The following VEPH1 variants were observed in gnomAD, a reference collection of about 807,000 sequenced individuals.
The protein encoded by VEPH1 is ventricular zone expressed PH domain containing 1, also known as ventricular zone-expressed PH domain-containing protein homolog 1.
Under a neutral mutation model 85.2 loss-of-function variants are expected in VEPH1, and 80 were observed. The ratio of observed to expected loss-of-function variants is 0.94; its 90% CI spans 0.78 to 1.13. The LOEUF (loss-of-function observed/expected upper bound fraction) is 1.13. Among genes scored for constraint, VEPH1 ranks in the 50% most tolerant of loss-of-function variants. The pLI is 0.00. For synonymous variants in VEPH1, 297 were observed against 348.0 expected, an observed-to-expected ratio of 0.85 and a Z score of 1.63; for missense variants, 955 against 980.5, an observed-to-expected ratio of 0.97 and a Z score of 0.35.
intron 1 of VEPH1, among the ~76,000 whole-genome samples, chr3:157,496,458 A>G (rs538319607): frequency 1.3e-5 from 2 of 152,374 alleles, no homozygotes; most frequent in South Asian, 4.1e-4. Context: ...TACTGATTTC[A>G]GTCCAGTGCA....
At chr3:157,270,708 T>C (rs73873619) in intron 12 of VEPH1, among the ~76,000 whole-genome samples, 207 of 152,212 alleles carry the variant, frequency 1.4e-3, no homozygotes, top group African/African-American at 4.5e-3. Context: ...CCCGTATGTA[T>C]TTTCGAGCAC....
chr3:157,461,726 G>T (rs1052618133), intron 3 of VEPH1, among the ~76,000 whole-genome samples: 7 of 151,914 alleles, frequency 4.6e-5, no homozygotes, highest in African/African-American at 1.7e-4. Flanking sequence ...ATATTTACAT[G>T]GGGAAAAAAC....
chr3:157,369,017 C>T (rs1332456729), intron 7 of VEPH1, among the ~76,000 whole-genome samples: 2 of 151,542 alleles, frequency 1.3e-5, no homozygotes, highest in Non-Finnish European at 2.9e-5. Flanking sequence ...TGGTCTGGCA[C>T]AGTGCTTGGC....
At chr3:157,299,559 CAAAAAAAA>C (rs10535235) in intron 11 of VEPH1, among the ~76,000 whole-genome samples, 1 of 103,114 alleles carries the variant, frequency 9.7e-6, no homozygotes, top group Middle Eastern at 4.7e-3. Context: ...GGCCCTGTCT[CAAAAAAAA>C]AAAAAAAAAA....
intron 9 of VEPH1, among the ~76,000 whole-genome samples, chr3:157,361,086 T>C (rs549964584): frequency 5.3e-4 from 81 of 152,344 alleles, no homozygotes; most frequent in African/African-American, 1.7e-3. Flanking sequence ...TATTAAATTC[T>C]CCAACTTGTG....
intron 7 of VEPH1, among the ~76,000 whole-genome samples, chr3:157,368,214 G>C (rs1013462135): frequency 2.6e-5 from 4 of 152,212 alleles, no homozygotes; most frequent in African/African-American, 9.6e-5. Flanking sequence ...TGTAGGAGGG[G>C]ATGGCCACTT....
intron 4 of VEPH1, among the ~76,000 whole-genome samples, chr3:157,438,337 C>T (rs1291122491): frequency 3.3e-5 from 5 of 152,072 alleles, no homozygotes; most frequent in Non-Finnish European, 7.4e-5. Context: ...TTTTATCCTG[C>T]CTCTGTCTTT....
chr3:157,434,064 A>G (rs1265934437), intron 4 of VEPH1, among the ~76,000 whole-genome samples: 2 of 152,208 alleles, frequency 1.3e-5, no homozygotes, highest in East Asian at 3.9e-4. Context: ...CTATATTACT[A>G]GATAATTCAG....
Position 157,470,322 on chromosome 3 carries a change from T to G in VEPH1, c.346A>C (p.Ile116Leu). The change falls in exon 3 of 14, where the codon ATT becomes CTT. Residue 116 changes from isoleucine (I) to leucine (L), a missense_variant. By Grantham distance (5) the Ile-to-Leu change is conservative. Coordinates refer to ENST00000362010, the MANE Select transcript of VEPH1 (RefSeq NM_001167912.2). The part of the protein sequence containing the change: ...AKIASDIMSC[I>L]LQNYNRPPVM... Reference sequence around the variant, plus strand: ...GTTGAACACTGACATACCTGTAAAATGCAACTCATGATATCAGATGCGATT... The same window carrying G: ...GTTGAACACTGACATACCTGTAAAAGGCAACTCATGATATCAGATGCGATT... 6.2e-7 allele frequency: 1 copy of G among 1,614,054 alleles called. No individual in the cohort carries two copies. Among genetic ancestry groups the G allele is most frequent in the Non-Finnish European group, 8.5e-7 (1 of 1,179,954 alleles).
intron 7 of VEPH1, among the ~76,000 whole-genome samples, chr3:157,372,939 G>A (rs1269836678): frequency 6.6e-6 from 1 of 152,170 alleles, no homozygotes; most frequent in Non-Finnish European, 1.5e-5. Flanking sequence ...GTTTGCAGAT[G>A]GGCACTGGTC....
chr3:157,462,110 C>T (rs975735546), intron 3 of VEPH1, among the ~76,000 whole-genome samples: 2 of 148,542 alleles, frequency 1.3e-5, no homozygotes, highest in African/African-American at 4.9e-5. Context: ...TATACACACT[C>T]TTCCAATCCA....
At chr3:157,443,721 G>T (rs557024856) in intron 4 of VEPH1, 1 of 152,280 alleles carries the variant, frequency 6.6e-6, no homozygotes, top group Admixed American at 6.5e-5. Context: ...TTAGGAATGA[G>T]CAACTATAGA....
At position 157,475,421 on chromosome 3, in the gene VEPH1, G is replaced by A. The variant is rs183453520; in HGVS notation, c.139-4892C>T. ...GGTGCATTTTACCCATTTATATAAAGTGATATGATAGATACATTTGGCCTT... is the reference window on the plus strand; with the variant it reads ...GGTGCATTTTACCCATTTATATAAAATGATATGATAGATACATTTGGCCTT... On this transcript the variant is annotated intron_variant, in intron 2 of 13. Transcript: ENST00000362010. 3.2e-4 allele frequency among the ~76,000 whole-genome samples: 49 copies of A among 152,226 alleles called. No homozygotes were observed. In the East Asian group the frequency reaches 5.6e-3, roughly 17 times the overall value.
intron 4 of VEPH1, among the ~76,000 whole-genome samples, chr3:157,439,341 A>G (rs1488470464): frequency 6.6e-6 from 1 of 152,240 alleles, no homozygotes; most frequent in Non-Finnish European, 1.5e-5. Flanking sequence ...TATTACATCC[A>G]ATAATACTTT....
intron 2 of VEPH1, among the ~76,000 whole-genome samples, chr3:157,477,850 C>T (rs964390062): frequency 6.6e-6 from 1 of 152,112 alleles, no homozygotes; most frequent in Non-Finnish European, 1.5e-5. Context: ...CTCAAGGAAA[C>T]CAGTTAATCA....
chr3:157,379,597 G>A (rs945112786), intron 7 of VEPH1, among the ~76,000 whole-genome samples: 1 of 152,138 alleles, frequency 6.6e-6, no homozygotes, highest in African/African-American at 2.4e-5. Flanking sequence ...TCTACACCAT[G>A]CTGAACATAA....
At chr3:157,427,090 C>T (rs758570030) in intron 5 of VEPH1, among the ~76,000 whole-genome samples, 5 of 152,024 alleles carry the variant, frequency 3.3e-5, no homozygotes, top group South Asian at 2.1e-4. Context: ...CAAGTTCAAG[C>T]GATTCTCCTG....
intron 7 of VEPH1, among the ~76,000 whole-genome samples, chr3:157,367,605 T>C (rs1726857613): frequency 6.6e-6 from 1 of 152,226 alleles, no homozygotes; most frequent in Non-Finnish European, 1.5e-5. Flanking sequence ...AACTTAAAAA[T>C]TTGTAAAGCA....
intron 1 of VEPH1, chr3:157,499,713 A>T (rs1739953321): frequency 6.6e-6 from 1 of 152,076 alleles, no homozygotes; most frequent in South Asian, 2.1e-4. Flanking sequence ...AACAGAGAAA[A>T]CAGAACTCCC....
Sources: allele counts gnomAD v4.1 joint callset (sites outside exome capture counted in the v4.1 genomes callset), GRCh38; gene constraint gnomAD v4.1.1; transcripts MANE v1.5; gene names NCBI Gene and HGNC (gene_info 2026-07-23, HGNC 2026-07-21).